The following RASGEF1B variants were observed in gnomAD, a reference collection of about 807,000 sequenced individuals.
RASGEF1B encodes ras-GEF domain-containing family member 1B.
Under a neutral mutation model 65.7 loss-of-function variants are expected in RASGEF1B, and 30 were observed. The observed-to-expected ratio is 0.46, with a 90% confidence interval of 0.34 to 0.62. The LOEUF (loss-of-function observed/expected upper bound fraction) is 0.62, where lower values mean the gene tolerates loss of function less well. Among genes scored for constraint, RASGEF1B ranks in the 20% least tolerant of loss-of-function variants. The probability of loss-of-function intolerance (pLI) is 0.01; values close to 1 mark genes in which losing one functional copy is unlikely to be tolerated. For missense variants in RASGEF1B, 495 were observed against 580.1 expected, an observed-to-expected ratio of 0.85 and a Z score of 1.51; for synonymous variants, 175 against 194.8, an observed-to-expected ratio of 0.90 and a Z score of 0.85.
chr4:81,464,637 A>G (rs1722746587), intron 1 of RASGEF1B, among the ~76,000 whole-genome samples: 1 of 152,172 alleles, frequency 6.6e-6, no homozygotes, highest in South Asian at 2.1e-4. Context: ...CAGTTTTCAT[A>G]TACTTTCAGG....
At chr4:81,466,104 C>T (rs1225953680) in intron 1 of RASGEF1B, among the ~76,000 whole-genome samples, 2 of 152,084 alleles carry the variant, frequency 1.3e-5, no homozygotes, top group African/African-American at 4.8e-5. Context: ...CGTATCACAG[C>T]TGAACTTTGA....
At chr4:81,439,573 T>C (rs998812702) in intron 10 of RASGEF1B, among the ~76,000 whole-genome samples, 4 of 152,174 alleles carry the variant, frequency 2.6e-5, no homozygotes, top group Non-Finnish European at 4.4e-5. Flanking sequence ...CTGAAGCCCA[T>C]GCAGAGAGAA....
intron 2 of RASGEF1B, chr4:81,459,033 A>G (rs1237471710): frequency 4.4e-6 from 1 of 226,706 alleles, no homozygotes; most frequent in Non-Finnish European, 8.5e-6. Context: ...TGACATTTCT[A>G]TTTAAGGACT....
chr4:81,444,280 T>A (rs939486010), intron 8 of RASGEF1B, among the ~76,000 whole-genome samples: 4 of 152,246 alleles, frequency 2.6e-5, no homozygotes, highest in Non-Finnish European at 5.9e-5. Flanking sequence ...AAGTAATCTA[T>A]TATCTAGACT....
intron 13 of RASGEF1B, among the ~76,000 whole-genome samples, chr4:81,429,273 A>G (rs1721334535): frequency 6.6e-6 from 1 of 152,138 alleles, no homozygotes; most frequent in African/African-American, 2.4e-5. Context: ...CAGGATATGG[A>G]AAAGGCAGAG....
intron 6 of RASGEF1B, among the ~76,000 whole-genome samples, chr4:81,447,252 A>C (rs1722059203): frequency 6.6e-6 from 1 of 152,094 alleles, no homozygotes; most frequent in Non-Finnish European, 1.5e-5. Context: ...ACTTGCTGTA[A>C]AGGTCTTACT....
rs148890080 is a variant in RASGEF1B, at chr4:81,448,099, C to T, written c.624G>A (p.Thr208=). 46 of 1,613,974 alleles carry T rather than the reference C, an allele frequency of 2.9e-5. No homozygotes were observed. Among genetic ancestry groups the T allele is most frequent in the East Asian group, 4.5e-5 (2 of 44,880 alleles). Residue 208 remains threonine (T), a synonymous_variant, in exon 5 of 14, where the codon ACG becomes ACA. Transcript: ENST00000264400. ...CTATATGAGTCAGCTGCTGGGCCAA[C>T]GTGTAAGGGTCGTTGCAGACAGTAA... ...DIITVCNDPY[T]LAQQLTHIEL...
intron 1 of RASGEF1B, among the ~76,000 whole-genome samples, chr4:81,466,715 C>T (rs561501131): frequency 2.8e-5 from 4 of 142,340 alleles, no homozygotes; most frequent in South Asian, 2.2e-4. Flanking sequence ...GCTGAGAACG[C>T]GCCACTGCAC....
At chr4:81,437,482 T>TC (rs1721670163) in intron 10 of RASGEF1B, among the ~76,000 whole-genome samples, 4 of 152,322 alleles carry the variant, frequency 2.6e-5, no homozygotes, top group Non-Finnish European at 5.9e-5. Context: ...GTAGCAGCTT[T>TC]TAAAAAAATA....
intron 1 of RASGEF1B, among the ~76,000 whole-genome samples, chr4:81,460,106 G>A (rs982682408): frequency 3.9e-5 from 6 of 152,234 alleles, no homozygotes; most frequent in Admixed American, 3.3e-4. Flanking sequence ...ATCAGATGCT[G>A]TTGATTTTCT....
chr4:81,434,596 C>T (rs902230201), intron 11 of RASGEF1B, 43 bp downstream of exon 11: 1 of 1,174,384 alleles, frequency 8.5e-7, no homozygotes, highest in Non-Finnish European at 1.3e-6. Flanking sequence ...AGCTGCCCCT[C>T]TCCTTGTGCT....
At chr4:81,442,256 T>G in intron 9 of RASGEF1B, 41 bp downstream of exon 9, 1 of 1,276,854 alleles carries the variant, frequency 7.8e-7, no homozygotes, top group Admixed American at 1.7e-5. Context: ...ACTTTCCAGG[T>G]GTAAAGTGTT....
chr4:81,448,437 A>G (rs1722123366), intron 4 of RASGEF1B, among the ~76,000 whole-genome samples, 153 bp from the exon 5 acceptor site: 1 of 152,202 alleles, frequency 6.6e-6, no homozygotes, highest in African/African-American at 2.4e-5. Flanking sequence ...TAGCTCTAAC[A>G]GTTTGAGACA....
chr4:81,448,824 G>C (rs747320516), intron 4 of RASGEF1B, among the ~76,000 whole-genome samples: 32 of 151,818 alleles, frequency 2.1e-4, no homozygotes, highest in Non-Finnish European at 4.1e-4. Context: ...GTTTTGTTTT[G>C]TTTTCTTTGA....
chr4:81,458,019 AC>A (rs1379372015), intron 2 of RASGEF1B, among the ~76,000 whole-genome samples: 2 of 152,222 alleles, frequency 1.3e-5, no homozygotes, highest in African/African-American at 4.8e-5. Context: ...ATATTTTGTA[AC>A]TCAGTGGAAA....
At chr4:81,469,371 G>T (rs370792061) in intron 1 of RASGEF1B, among the ~76,000 whole-genome samples, 4 of 152,074 alleles carry the variant, frequency 2.6e-5, no homozygotes, top group African/African-American at 9.7e-5. Flanking sequence ...TTCCTCCCAA[G>T]TCCAATTCTT....
intron 4 of RASGEF1B, 31 bp downstream of exon 4, chr4:81,456,620 C>T: frequency 1.2e-6 from 2 of 1,612,698 alleles, no homozygotes; most frequent in African/African-American, 2.7e-5. Flanking sequence ...CCTGGGAATT[C>T]CAGCAGCCGC....
At chr4:81,461,578 A>C (rs1722646389) in intron 1 of RASGEF1B, among the ~76,000 whole-genome samples, 1 of 152,200 alleles carries the variant, frequency 6.6e-6, no homozygotes, top group Admixed American at 6.5e-5. Flanking sequence ...ATTCAAAGGA[A>C]CCACAGAAAT....
At chr4:81,466,162 T>C (rs1176572404) in intron 1 of RASGEF1B, among the ~76,000 whole-genome samples, 2 of 152,346 alleles carry the variant, frequency 1.3e-5, no homozygotes, top group Non-Finnish European at 2.9e-5. Context: ...ATCCCGGAAT[T>C]ACTGGTTCCC....
Sources: gnomAD v4.1 joint callset for allele counts (sites outside exome capture counted in the v4.1 genomes callset) on GRCh38, gnomAD v4.1.1 for gene constraint, MANE v1.5 for transcripts, NCBI Gene and HGNC (gene_info 2026-07-23, HGNC 2026-07-21) for gene names.